The following ST6GALNAC5 variants were observed in gnomAD, a reference collection of about 807,000 sequenced individuals.
ST6GALNAC5 encodes the protein alpha-N-acetylgalactosaminide alpha-2,6-sialyltransferase 5.
A neutral mutation model predicts 33.6 loss-of-function variants in ST6GALNAC5; 27 were observed. That is an observed-to-expected ratio of 0.80 (90% CI 0.59 to 1.11). ST6GALNAC5 has a LOEUF of 1.11. ST6GALNAC5 is among the 50% of genes least tolerant of loss of function. ST6GALNAC5 has a pLI of 0.00. For synonymous variants in ST6GALNAC5, 194 were observed against 171.2 expected (o/e 1.13, Z -1.04); for missense variants, 428 against 454.0 (o/e 0.94, Z 0.52).
At chr1:76,902,504 G>C (rs1433611491) in intron 2 of ST6GALNAC5, among the ~76,000 whole-genome samples, 1 of 152,124 alleles carries the variant, frequency 6.6e-6, no homozygotes, top group Admixed American at 6.5e-5. Context: ...TAGGCCAGTT[G>C]ACTTCTTTGT....
At chr1:77,022,672 T>G (rs1651097112) in intron 2 of ST6GALNAC5, among the ~76,000 whole-genome samples, 1 of 152,198 alleles carries the variant, frequency 6.6e-6, no homozygotes, top group Non-Finnish European at 1.5e-5. Flanking sequence ...AACTTAAAAA[T>G]TCAGACCCAG....
At chr1:76,933,430 A>G (rs190863647) in intron 2 of ST6GALNAC5, among the ~76,000 whole-genome samples, 1 of 152,166 alleles carries the variant, frequency 6.6e-6, no homozygotes, top group East Asian at 1.9e-4. Flanking sequence ...AAAATAAACA[A>G]ATATAATATG....
At chr1:76,875,261 G>A (rs1172595625) in intron 2 of ST6GALNAC5, among the ~76,000 whole-genome samples, 2 of 152,136 alleles carry the variant, frequency 1.3e-5, no homozygotes, top group Non-Finnish European at 1.5e-5. Flanking sequence ...TCCTGGTGGA[G>A]TGACCCAAGC....
chr1:76,986,240 G>A (rs1649490288), intron 2 of ST6GALNAC5, among the ~76,000 whole-genome samples: 1 of 150,322 alleles, frequency 6.7e-6, no homozygotes, highest in South Asian at 2.1e-4. Context: ...CTAAAGAGTG[G>A]GAGAAAATTT....
intron 2 of ST6GALNAC5, among the ~76,000 whole-genome samples, chr1:76,968,491 G>A (rs931938477): frequency 3.3e-5 from 5 of 152,210 alleles, no homozygotes; most frequent in South Asian, 4.2e-4. Flanking sequence ...CATGAGATGG[G>A]TCTCCTGAAT....
At chr1:76,884,034 C>A (rs1312718017) in intron 2 of ST6GALNAC5, among the ~76,000 whole-genome samples, 6 of 152,150 alleles carry the variant, frequency 3.9e-5, no homozygotes, top group African/African-American at 1.4e-4. Context: ...CAGTGGATCA[C>A]CCTGGCTTCA....
In ST6GALNAC5 at chr1:77,064,656, T is replaced by C. The variant is rs1250540545; in HGVS notation, c.*1450T>C. 1 of 152,212 alleles carries C rather than the reference T, an allele frequency of 6.6e-6. No homozygotes were observed. Among genetic ancestry groups the C allele is most frequent in the Non-Finnish European group, 1.5e-5 (1 of 68,026 alleles). 9.4% of individuals were successfully genotyped at this position (152,212 alleles called of 1,614,324 possible). On this transcript the variant is annotated 3_prime_UTR_variant, in exon 5 of 5. Coordinates refer to ENST00000477717, the MANE Select transcript of ST6GALNAC5 (RefSeq NM_030965.3). ...TCAGAGCCAAGATAAATTCATATTA[T>C]AGATTTTTATTTAAACAAGTAATAT...
At chr1:77,038,746 C>T (rs1348852063) in intron 2 of ST6GALNAC5, among the ~76,000 whole-genome samples, 1 of 152,196 alleles carries the variant, frequency 6.6e-6, no homozygotes, top group Non-Finnish European at 1.5e-5. Context: ...GACCTTGATT[C>T]CCTGAGCACG....
At chr1:76,871,237 G>A (rs907047684) in intron 2 of ST6GALNAC5, 2 of 152,248 alleles carry the variant, frequency 1.3e-5, no homozygotes, top group Admixed American at 1.3e-4. Flanking sequence ...GATGATACTC[G>A]ATTGCTAATT....
intron 2 of ST6GALNAC5, among the ~76,000 whole-genome samples, chr1:76,912,911 C>T (rs1646929468): frequency 6.6e-6 from 1 of 151,090 alleles, no homozygotes; most frequent in Non-Finnish European, 1.5e-5. Context: ...GCATTTAGTC[C>T]ATTTACATTT....
intron 2 of ST6GALNAC5, among the ~76,000 whole-genome samples, chr1:76,913,977 T>G (rs1438062986): frequency 6.6e-6 from 1 of 152,170 alleles, no homozygotes; most frequent in Non-Finnish European, 1.5e-5. Context: ...CTTAAACTGA[T>G]AAGCAACTTC....
At chr1:76,892,930 C>T (rs1654044537) in intron 2 of ST6GALNAC5, among the ~76,000 whole-genome samples, 2 of 152,166 alleles carry the variant, frequency 1.3e-5, no homozygotes, top group African/African-American at 4.8e-5. Flanking sequence ...CAAAGCTGTA[C>T]ATCCCTCCCT....
At chr1:76,911,903 G>A (rs1289267142) in intron 2 of ST6GALNAC5, among the ~76,000 whole-genome samples, 2 of 151,972 alleles carry the variant, frequency 1.3e-5, no homozygotes, top group Non-Finnish European at 2.9e-5. Flanking sequence ...TTTTTGAAGG[G>A]CTTTTTACGT....
chr1:77,053,868 C>A (rs1178706750), intron 4 of ST6GALNAC5, among the ~76,000 whole-genome samples: 1 of 152,098 alleles, frequency 6.6e-6, no homozygotes, highest in Non-Finnish European at 1.5e-5. Flanking sequence ...ATCTCATGGG[C>A]TGCTCAAAGT....
intron 2 of ST6GALNAC5, among the ~76,000 whole-genome samples, chr1:77,042,687 C>A (rs892826013): frequency 6.6e-6 from 1 of 152,226 alleles, no homozygotes; most frequent in Non-Finnish European, 1.5e-5. Context: ...AGTGAATGAT[C>A]ACTATGACAA....
intron 2 of ST6GALNAC5, among the ~76,000 whole-genome samples, chr1:76,906,183 C>A (rs1646862673): frequency 6.6e-6 from 1 of 152,156 alleles, no homozygotes; most frequent in Admixed American, 6.6e-5. Context: ...CCTGCCAACA[C>A]TTCTTTCTGC....
intron 4 of ST6GALNAC5, among the ~76,000 whole-genome samples, chr1:77,060,661 C>A (rs977695723): frequency 6.6e-6 from 1 of 152,104 alleles, no homozygotes; most frequent in Non-Finnish European, 1.5e-5. Context: ...AAATTTAATT[C>A]TCTTTTTAGG....
chr1:76,956,262 G>A (rs751559097), intron 2 of ST6GALNAC5, among the ~76,000 whole-genome samples: 11 of 151,268 alleles, frequency 7.3e-5, no homozygotes, highest in South Asian at 2.1e-4. Context: ...ATACCTAAGT[G>A]AGGCCCAAGA....
chr1:76,922,961 A>G (rs1282464455), intron 2 of ST6GALNAC5, among the ~76,000 whole-genome samples: 1 of 151,692 alleles, frequency 6.6e-6, no homozygotes, highest in Non-Finnish European at 1.5e-5. Context: ...AAAAAAGAAA[A>G]GAAACTTTTA....
Sources: allele counts gnomAD v4.1 joint callset (sites outside exome capture counted in the v4.1 genomes callset), GRCh38; gene constraint gnomAD v4.1.1; transcripts MANE v1.5; gene names NCBI Gene and HGNC (gene_info 2026-07-23, HGNC 2026-07-21).